Variants in SLC22A3 observed in about 807,000 individuals in gnomAD.
The protein encoded by SLC22A3 is solute carrier family 22 member 3, also known as EMT organic cation transporter 3.
SLC22A3 carries 51 observed loss-of-function variants against 59.1 expected under a neutral mutation model. The observed-to-expected ratio is 0.86, with a 90% confidence interval of 0.69 to 1.09. The LOEUF (loss-of-function observed/expected upper bound fraction) is 1.09. SLC22A3 is among the 50% of genes least tolerant of loss of function. The pLI is 0.00. For missense variants in SLC22A3, 711 were observed against 726.3 expected, an observed-to-expected ratio of 0.98 and a Z score of 0.24; for synonymous variants, 325 against 292.0, an observed-to-expected ratio of 1.11 and a Z score of -1.15.
At chr6:160,424,609 C>T (rs1787880346) in intron 5 of SLC22A3, among the ~76,000 whole-genome samples, 1 of 152,112 alleles carries the variant, frequency 6.6e-6, no homozygotes, top group Non-Finnish European at 1.5e-5. Context: ...TTTTTATCTT[C>T]CACTGACCTT....
intron 5 of SLC22A3, among the ~76,000 whole-genome samples, chr6:160,412,601 A>G (rs935298061): frequency 6.6e-6 from 1 of 152,200 alleles, no homozygotes; most frequent in Admixed American, 6.5e-5. Context: ...TGATCTTTTT[A>G]AACCACTATG....
intron 3 of SLC22A3, among the ~76,000 whole-genome samples, chr6:160,407,544 T>C (rs1787066713): frequency 6.6e-6 from 1 of 152,206 alleles, no homozygotes; most frequent in Admixed American, 6.5e-5. Flanking sequence ...TGAGGCATTT[T>C]TAAAGCATTT....
At chr6:160,363,010 G>A (rs1358822296) in intron 1 of SLC22A3, among the ~76,000 whole-genome samples, 2 of 152,232 alleles carry the variant, frequency 1.3e-5, no homozygotes, top group Non-Finnish European at 1.5e-5. Flanking sequence ...CCCGGAGCCC[G>A]CCGAGAGCTG....
chr6:160,365,673 A>G (rs1748615093), intron 1 of SLC22A3, among the ~76,000 whole-genome samples: 1 of 152,182 alleles, frequency 6.6e-6, no homozygotes, highest in Admixed American at 6.5e-5. Context: ...AAATCATCAG[A>G]AGTTCAGTTC....
At position 160,357,635 on chromosome 6, in the gene SLC22A3, T is replaced by C. The variant is rs1784887176; in HGVS notation, c.429+8787T>C. On this transcript the variant is annotated intron_variant, in intron 1 of 10. Transcript: ENST00000275300. ...TTTAAAAAGCAATGCACTGCAAATA[T>C]CTGTTGAGAAATGAATGCCCTTTAA... Among the ~76,000 whole-genome samples the C allele has an allele frequency of 3.9e-5, 6 of 152,312 alleles. No homozygotes were observed. The South Asian group carries it at 1.2e-3, about 32-fold the overall frequency.
chr6:160,392,889 G>GATT (rs745447046), intron 1 of SLC22A3, among the ~76,000 whole-genome samples: 278 of 151,296 alleles, frequency 1.8e-3, no homozygotes, highest in Middle Eastern at 0.014. Flanking sequence ...CAGTATCAGT[G>GATT]ATTATTATTA....
chr6:160,393,492 A>T (rs1012913429), intron 1 of SLC22A3, among the ~76,000 whole-genome samples: 1 of 126,210 alleles, frequency 7.9e-6, no homozygotes, highest in African/African-American at 3.1e-5. Context: ...TCCTGTGTCC[A>T]TGTGTTCTCA....
intron 5 of SLC22A3, among the ~76,000 whole-genome samples, chr6:160,411,904 C>T (rs1320458124): frequency 6.6e-5 from 10 of 152,126 alleles, no homozygotes; most frequent in Non-Finnish European, 1.5e-4. Flanking sequence ...GCTCCAAAGA[C>T]TAAGTGACTA....
intron 5 of SLC22A3, among the ~76,000 whole-genome samples, chr6:160,423,036 G>A (rs1258998404): frequency 6.6e-6 from 1 of 152,054 alleles, no homozygotes; most frequent in Non-Finnish European, 1.5e-5. Context: ...CTGTGTCCAA[G>A]TGTTCTCATT....
intron 5 of SLC22A3, among the ~76,000 whole-genome samples, chr6:160,419,485 T>C (rs987168859): frequency 6.6e-6 from 1 of 152,190 alleles, no homozygotes; most frequent in African/African-American, 2.4e-5. Flanking sequence ...AGATTTGAAA[T>C]CTCTCTTCGG....
chr6:160,348,479 C>G lies in SLC22A3; in HGVS notation c.60C>G (p.Arg20=). 6.4e-7 allele frequency: 1 copy of G among 1,551,064 alleles called. No individual in the cohort carries two copies. The highest frequency in any genetic ancestry group is 8.7e-7 in the Non-Finnish European group (1 of 1,154,248). The change falls in exon 1 of 11, where the codon CGC becomes CGG. Residue 20 remains arginine (R), a synonymous_variant. Transcript: ENST00000275300. ...RVGEFGRFQR[R]VFLLLCLTGV... Reference sequence around the variant, plus strand: ...GCGAGTTCGGGCGCTTCCAGAGGCGCGTGTTTTTGCTGCTGTGCCTGACGG... The same window carrying G: ...GCGAGTTCGGGCGCTTCCAGAGGCGGGTGTTTTTGCTGCTGTGCCTGACGG...
intron 2 of SLC22A3, among the ~76,000 whole-genome samples, chr6:160,405,294 A>G (rs572459558): frequency 6.6e-6 from 1 of 152,290 alleles, no homozygotes; most frequent in Non-Finnish European, 1.5e-5. Flanking sequence ...GATAATAAGC[A>G]TATGAAATGA....
At chr6:160,379,634 A>G (rs1785723696) in intron 1 of SLC22A3, among the ~76,000 whole-genome samples, 1 of 152,198 alleles carries the variant, frequency 6.6e-6, no homozygotes, top group Non-Finnish European at 1.5e-5. Context: ...ATTGTTGTGT[A>G]ATTCCAAATA....
chr6:160,438,035 A>T lies in SLC22A3; in HGVS notation c.1288+824A>T, dbSNP rs1456862668. Among the ~76,000 whole-genome samples the T allele has an allele frequency of 4.6e-5, 7 of 152,170 alleles. No individual in the cohort carries two copies. In the South Asian group the frequency reaches 1.4e-3, roughly 31 times the overall value. On this transcript the variant is annotated intron_variant, in intron 7 of 10. Transcript: ENST00000275300. Reference sequence around the variant, plus strand: ...GGAGTGAGTTTGGCATAACTGCAGCAGTTTAGAGATGGCTATGAGCAGGGG... The same window carrying T: ...GGAGTGAGTTTGGCATAACTGCAGCTGTTTAGAGATGGCTATGAGCAGGGG...
intron 1 of SLC22A3, among the ~76,000 whole-genome samples, chr6:160,355,834 T>A (rs1055874187): frequency 2.6e-5 from 4 of 152,300 alleles, no homozygotes; most frequent in African/African-American, 9.6e-5. Context: ...TGTTCCGTTT[T>A]GTACCTTTAC....
chr6:160,406,969 TTTATG>T (rs1173031760), intron 2 of SLC22A3, 67 bp from the exon 3 acceptor site: 27 of 1,514,478 alleles, frequency 1.8e-5, no homozygotes, highest in Non-Finnish European at 2.5e-5. Context: ...GATATAATAT[TTTATG>T]TTATATTTTC....
intron 5 of SLC22A3, among the ~76,000 whole-genome samples, chr6:160,429,901 G>A (rs1788090340): frequency 1.3e-5 from 2 of 149,908 alleles, no homozygotes; most frequent in East Asian, 3.9e-4. Context: ...ACCTTTAAAA[G>A]CATCTGCCTT....
chr6:160,393,271 ATTTATTTAT>A (rs1211775865), intron 1 of SLC22A3, among the ~76,000 whole-genome samples: 1 of 151,290 alleles, frequency 6.6e-6, no homozygotes, highest in Non-Finnish European at 1.5e-5. Context: ...TTATTTATTT[ATTTATTTAT>A]TTTATTTATT....
chr6:160,349,533 C>G (rs1354783059), intron 1 of SLC22A3, among the ~76,000 whole-genome samples: 2 of 152,094 alleles, frequency 1.3e-5, no homozygotes, highest in African/African-American at 4.8e-5. Context: ...CCACAGCCTT[C>G]CAACGCAAAT....
Sources: gnomAD v4.1 joint callset for allele counts (sites outside exome capture counted in the v4.1 genomes callset) on GRCh38, gnomAD v4.1.1 for gene constraint, MANE v1.5 for transcripts, NCBI Gene and HGNC (gene_info 2026-07-23, HGNC 2026-07-21) for gene names.